DNAH11: variants seen among roughly 807,000 people sequenced by gnomAD.
DNAH11 encodes dynein axonemal heavy chain 11.
In DNAH11, 442 loss-of-function variants were observed where a neutral mutation model predicts 526.0. That is an observed-to-expected ratio of 0.84 (90% CI 0.78 to 0.91). The LOEUF (loss-of-function observed/expected upper bound fraction) is 0.91, where lower values mean the gene tolerates loss of function less well. DNAH11 is among the 40% of genes least tolerant of loss of function. DNAH11 has a pLI of 0.00. For synonymous variants in DNAH11, 2,461 were observed against 1,935.9 expected, an observed-to-expected ratio of 1.27 and a Z score of -7.12; for missense variants, 6,989 against 5,448.7, an observed-to-expected ratio of 1.28 and a Z score of -8.90.
intron 6 of DNAH11, among the ~76,000 whole-genome samples, chr7:21,565,274 C>T (rs536823913): frequency 2.6e-5 from 3 of 114,794 alleles, no homozygotes; most frequent in South Asian, 6.2e-4. Flanking sequence ...TCTTGTAAGA[C>T]CACAGGTCCT....
rs767148875 is a variant in DNAH11 at position 21,748,605 on chromosome 7, A to T, written c.8536A>T (p.Thr2846Ser). The T allele has an allele frequency of 6.5e-7, 1 of 1,549,100 alleles. No individual in the cohort carries two copies. Among genetic ancestry groups the T allele is most frequent in the South Asian group, 1.3e-5 (1 of 79,924 alleles). Reference protein sequence around the residue: ...HVCRISRILRTPQGCALLVGV... With the variant: ...HVCRISRILRSPQGCALLVGV... ...GTGTCGCATCAGCCGGATCTTACGA[A>T]CCCCTCAGGGCTGTGCTCTCTTGGT... Residue 2846 changes from threonine to serine, a missense_variant, in exon 52 of 82, where the codon ACC becomes TCC. By Grantham distance (58) the Thr-to-Ser change is moderately conservative (BLOSUM62 1). Coordinates refer to ENST00000409508, the MANE Select transcript of DNAH11 (RefSeq NM_001277115.2).
intron 30 of DNAH11, among the ~76,000 whole-genome samples, chr7:21,681,315 T>G (rs776088557): frequency 4.6e-5 from 7 of 151,828 alleles, no homozygotes; most frequent in Non-Finnish European, 7.4e-5. Flanking sequence ...TAATCCCAAC[T>G]ACTAGGGAGG....
chr7:21,865,153 A>G (rs1783224582), intron 70 of DNAH11, among the ~76,000 whole-genome samples: 1 of 152,074 alleles, frequency 6.6e-6, no homozygotes, highest in Admixed American at 6.6e-5. Context: ...ATCAATCCTC[A>G]TTGCATTTTT....
chr7:21,550,539 T>G (rs1250775862), intron 2 of DNAH11, among the ~76,000 whole-genome samples: 1 of 151,386 alleles, frequency 6.6e-6, no homozygotes, highest in East Asian at 1.9e-4. Flanking sequence ...GGAGTGCTAC[T>G]GGGAGACATT....
At chr7:21,728,157 A>G (rs1785213443) in intron 45 of DNAH11, among the ~76,000 whole-genome samples, 1 of 151,610 alleles carries the variant, frequency 6.6e-6, no homozygotes, top group African/African-American at 2.4e-5. Context: ...TCAGCCTGTA[A>G]CAATGTGCCG....
rs991008082 is a variant in DNAH11 at position 21,658,657 on chromosome 7, T to C, written c.5095-141T>C. ...GTTGTTCACTTTCCCCTTTGAGTTA[T>C]GCCTCTTGCAGTTTTCTACCTGGGT... On this transcript the variant is annotated intron_variant, in intron 29 of 81. Transcript: ENST00000409508. 5 of 596,388 alleles carry C rather than the reference T, an allele frequency of 8.4e-6. 1 individual carries two copies. Among genetic ancestry groups the C allele is most frequent in the African/African-American group, 5.6e-5 (3 of 53,246 alleles). The allele number at this position is 596,388 out of a possible 1,614,324, so 36.9% of individuals were successfully genotyped here. A position where few individuals can be genotyped will look rare whatever the true frequency, so the allele number is the denominator to read the frequency against.
chr7:21,600,402 GAGCTATGATTA>G (rs1785032636), intron 15 of DNAH11, among the ~76,000 whole-genome samples: 1 of 152,098 alleles, frequency 6.6e-6, no homozygotes, highest in African/African-American at 2.4e-5. Flanking sequence ...AGGCTGCAGT[GAGCTATGATTA>G]AGCCAGTGCA....
Position 21,588,063 on chromosome 7 carries a change from G to C in DNAH11, c.1711-1G>C. The C allele has an allele frequency of 6.2e-7, 1 of 1,612,640 alleles. No homozygotes were observed. On this transcript the variant is annotated splice_acceptor_variant, in intron 9 of 81. Transcript: ENST00000409508. LOFTEE classifies it high-confidence loss of function. ...TGTTGCCTTCACTTTGATTTTTATA[G>C]CTTTTGACCATATTTGGAAATTTTC...
chr7:21,883,501 A>G (rs530433746), intron 75 of DNAH11, among the ~76,000 whole-genome samples: 2 of 152,344 alleles, frequency 1.3e-5, no homozygotes, highest in African/African-American at 2.4e-5. Context: ...ATCTGTGGCA[A>G]GGGGATTTGT....
chr7:21,816,436 C>T, intron 63 of DNAH11, 31 bp from the exon 64 acceptor site: 1 of 1,533,598 alleles, frequency 6.5e-7, no homozygotes, highest in Non-Finnish European at 8.9e-7. Context: ...GCCACATGAC[C>T]AATTTGTTGC....
chr7:21,859,773 C>T (rs539516944), intron 68 of DNAH11, among the ~76,000 whole-genome samples: 19 of 152,126 alleles, frequency 1.2e-4, no homozygotes, highest in East Asian at 9.7e-4. Flanking sequence ...ATTCATACAA[C>T]GCCATTATCA....
At chr7:21,799,383 A>G (rs556030711) in intron 61 of DNAH11, among the ~76,000 whole-genome samples, 3 of 151,810 alleles carry the variant, frequency 2.0e-5, no homozygotes, top group African/African-American at 7.2e-5. Context: ...TGTTTCCCAG[A>G]CTGGAGTGCA....
At chr7:21,679,136 A>G (rs1247161269) in intron 30 of DNAH11, among the ~76,000 whole-genome samples, 1 of 152,222 alleles carries the variant, frequency 6.6e-6, no homozygotes, top group Non-Finnish European at 1.5e-5. Flanking sequence ...GAAATAAGCT[A>G]AACACAGAAA....
chr7:21,789,808 T>TCTTGTTTCTTTCTTTC, intron 61 of DNAH11, among the ~76,000 whole-genome samples: 1 of 34,084 alleles, frequency 2.9e-5, no homozygotes, highest in African/African-American at 7.9e-5. Flanking sequence ...TTTCTTTCTT[T>TCTTGTTTCTTTCTTTC]TTTCTTTCTT....
chr7:21,782,266 C>T (rs1003773067), intron 57 of DNAH11, among the ~76,000 whole-genome samples: 4 of 152,180 alleles, frequency 2.6e-5, no homozygotes, highest in African/African-American at 7.2e-5. Flanking sequence ...CTTTAACTTA[C>T]AGTTGTAGGG....
chr7:21,716,991 T>C (rs1393614630), intron 42 of DNAH11, among the ~76,000 whole-genome samples: 2 of 152,090 alleles, frequency 1.3e-5, no homozygotes, highest in Non-Finnish European at 2.9e-5. Context: ...ATACTCCTTC[T>C]CTGCTGGCTG....
At chr7:21,784,614 C>A in intron 58 of DNAH11, 74 bp downstream of exon 58, 3 of 1,080,566 alleles carry the variant, frequency 2.8e-6, no homozygotes, top group Non-Finnish European at 3.9e-6. Flanking sequence ...AATAACTGAG[C>A]TGAGAGAGTA....
rs577567091 is a variant in DNAH11, at chr7:21,685,031, C to G, written c.5621+1087C>G. 2.0e-4 allele frequency among the ~76,000 whole-genome samples: 30 copies of G among 152,304 alleles called. No individual in the cohort carries two copies. In the South Asian group the frequency reaches 6.0e-3, roughly 30 times the overall value. ...TCCTGAGAGGCTGGTAGGATTCTCC[C>G]ACTACATTTGTGATTGTTCTTGCAC... On this transcript the variant is annotated intron_variant, in intron 32 of 81. Coordinates refer to ENST00000409508, the MANE Select transcript of DNAH11 (RefSeq NM_001277115.2).
At chr7:21,799,539 T>C (rs1216672974) in intron 61 of DNAH11, among the ~76,000 whole-genome samples, 1 of 152,040 alleles carries the variant, frequency 6.6e-6, no homozygotes, top group African/African-American at 2.4e-5. Context: ...GGTTTCGCCA[T>C]GTTGGCCAGG....
Sources: allele counts gnomAD v4.1 joint callset (sites outside exome capture counted in the v4.1 genomes callset), GRCh38; gene constraint gnomAD v4.1.1; transcripts MANE v1.5; gene names NCBI Gene and HGNC (gene_info 2026-07-23, HGNC 2026-07-21).